Variants in LCORL observed in about 807,000 individuals in gnomAD.
LCORL encodes ligand dependent nuclear receptor corepressor like.
Under a neutral mutation model 141.8 loss-of-function variants are expected in LCORL, and 41 were observed. The observed-to-expected ratio is 0.29, with a 90% CI of 0.23 to 0.38. LCORL has a LOEUF of 0.38. LCORL is among the 10% of genes least tolerant of loss of function. The pLI is 1.00. For synonymous variants in LCORL, 618 were observed against 694.1 expected, an observed-to-expected ratio of 0.89 and a Z score of 1.72; for missense variants, 1,759 against 2,035.0, an observed-to-expected ratio of 0.86 and a Z score of 2.61.
chr4:17,963,097 C>T (rs375235265), intron 2 of LCORL, 48 bp from the exon 3 acceptor site: 30 of 1,054,734 alleles, frequency 2.8e-5, no homozygotes, highest in Non-Finnish European at 3.8e-5. Flanking sequence ...TTTATTAAAA[C>T]AAATAAAATT....
chr4:17,890,664 T>C (rs954102033), intron 5 of LCORL, among the ~76,000 whole-genome samples: 4 of 152,200 alleles, frequency 2.6e-5, no homozygotes, highest in East Asian at 1.9e-4. Flanking sequence ...CCAAACGCTA[T>C]TGTAAAATGT....
intron 5 of LCORL, among the ~76,000 whole-genome samples, chr4:17,908,006 CTG>C (rs769479176): frequency 6.6e-6 from 1 of 152,086 alleles, no homozygotes; most frequent in African/African-American, 2.4e-5. Context: ...ACTGAAAAGA[CTG>C]TATCTTCAAA....
chr4:17,851,156 T>A (rs1013537767), intron 7 of LCORL, among the ~76,000 whole-genome samples: 17 of 146,784 alleles, frequency 1.2e-4, no homozygotes, highest in African/African-American at 4.0e-4. Flanking sequence ...GAGGGATAGC[T>A]TTAGGAGATA....
At chr4:17,963,770 T>C (rs1382542039) in intron 2 of LCORL, among the ~76,000 whole-genome samples, 1 of 151,972 alleles carries the variant, frequency 6.6e-6, no homozygotes, top group Non-Finnish European at 1.5e-5. Flanking sequence ...TAAATATATC[T>C]GGCATAGACA....
intron 1 of LCORL, among the ~76,000 whole-genome samples, chr4:17,984,002 T>C (rs1718493368): frequency 6.6e-6 from 1 of 152,176 alleles, no homozygotes; most frequent in Non-Finnish European, 1.5e-5. Flanking sequence ...ATTGAAAGTC[T>C]TTTCTGTATC....
chr4:17,933,954 G>GT (rs141955739), intron 4 of LCORL, among the ~76,000 whole-genome samples: 3,310 of 152,082 alleles, frequency 0.022, 37 homozygotes, highest in Middle Eastern at 0.051. Flanking sequence ...AAGATTCTAA[G>GT]TAACAGTCCT....
chr4:17,866,169 T>C (rs543883234), intron 7 of LCORL, among the ~76,000 whole-genome samples: 29 of 152,226 alleles, frequency 1.9e-4, no homozygotes, highest in African/African-American at 5.3e-4. Context: ...CACCTCAGCA[T>C]TTTTTCCACA....
At chr4:17,843,959 G>GTGA (rs1722678737) in exon 8 of LCORL, 1 of 152,016 alleles carries the variant, frequency 6.6e-6, no homozygotes. Flanking sequence ...AACTTATTTT[G>GTGA]TGATTCCTAC....
intron 7 of LCORL, among the ~76,000 whole-genome samples, chr4:17,862,707 A>G (rs1725150839): frequency 6.6e-6 from 1 of 152,186 alleles, no homozygotes; most frequent in Non-Finnish European, 1.5e-5. Flanking sequence ...TCCTTACACC[A>G]TATACAAAAA....
At chr4:17,923,521 C>T (rs1255354485) in intron 4 of LCORL, among the ~76,000 whole-genome samples, 1 of 152,120 alleles carries the variant, frequency 6.6e-6, no homozygotes, top group Non-Finnish European at 1.5e-5. Context: ...TGGCGGGTGC[C>T]TTTAATCCCA....
At chr4:17,870,441 C>T (rs879600196) in intron 7 of LCORL, among the ~76,000 whole-genome samples, 17 of 152,160 alleles carry the variant, frequency 1.1e-4, no homozygotes, top group Non-Finnish European at 2.5e-4. Flanking sequence ...ATGTAGGAAA[C>T]CTTGCCTAAT....
intron 4 of LCORL, among the ~76,000 whole-genome samples, chr4:17,955,156 T>G (rs533527967): frequency 7.1e-4 from 108 of 152,160 alleles, no homozygotes; most frequent in African/African-American, 2.6e-3. Context: ...AAGGATCATG[T>G]GAAAGAAGCA....
At chr4:18,000,605 A>G (rs1478626739) in intron 1 of LCORL, among the ~76,000 whole-genome samples, 2 of 152,084 alleles carry the variant, frequency 1.3e-5, no homozygotes, top group African/African-American at 4.8e-5. Flanking sequence ...AACGAACTAT[A>G]TCTACAGGCA....
intron 1 of LCORL, among the ~76,000 whole-genome samples, chr4:17,998,821 C>T (rs1045709224): frequency 4.6e-5 from 7 of 150,820 alleles, no homozygotes; most frequent in African/African-American, 1.7e-4. Flanking sequence ...AAAAATTAGC[C>T]AGGCATGGTT....
exon 8 of LCORL, chr4:17,842,134 G>T (rs1722469443): frequency 1.8e-6 from 1 of 543,320 alleles, no homozygotes; most frequent in Non-Finnish European, 3.4e-6. Flanking sequence ...ATCTTGCTTG[G>T]GTTCCTTTTT....
intron 1 of LCORL, among the ~76,000 whole-genome samples, chr4:17,993,109 TAAG>T (rs1720317621): frequency 6.6e-6 from 1 of 152,206 alleles, no homozygotes; most frequent in African/African-American, 2.4e-5. Flanking sequence ...TTGATATGTT[TAAG>T]AAGAGCACTA....
At chr4:17,889,410 T>C (rs909361343) in intron 5 of LCORL, among the ~76,000 whole-genome samples, 2 of 152,086 alleles carry the variant, frequency 1.3e-5, no homozygotes, top group African/African-American at 2.4e-5. Flanking sequence ...AAATGAAAAA[T>C]GTACTCCATA....
intron 4 of LCORL, among the ~76,000 whole-genome samples, chr4:17,916,813 T>C (rs984023244): frequency 1.3e-5 from 2 of 151,702 alleles, no homozygotes; most frequent in Non-Finnish European, 2.9e-5. Context: ...CCCAGCTAAG[T>C]TTTGTATTTT....
intron 1 of LCORL, among the ~76,000 whole-genome samples, chr4:18,010,259 G>A (rs1723491010): frequency 1.3e-5 from 2 of 152,102 alleles, no homozygotes; most frequent in South Asian, 4.2e-4. Context: ...TCTTACATAG[G>A]CCTGTGGAAA....
Sources: gnomAD v4.1 joint callset for allele counts (sites outside exome capture counted in the v4.1 genomes callset) on GRCh38, gnomAD v4.1.1 for gene constraint, MANE v1.5 for transcripts, NCBI Gene and HGNC (gene_info 2026-07-23, HGNC 2026-07-21) for gene names.